The following NPAS3 variants were observed in gnomAD, a reference collection of about 807,000 sequenced individuals.
NPAS3 encodes neuronal PAS domain protein 3.
In NPAS3, 14 loss-of-function variants were observed where a neutral mutation model predicts 73.1. The ratio of observed to expected loss-of-function variants is 0.19; its 90% CI spans 0.13 to 0.30. The LOEUF (loss-of-function observed/expected upper bound fraction) is 0.30. Among genes scored for constraint, NPAS3 ranks in the 10% least tolerant of loss-of-function variants. The probability of loss-of-function intolerance (pLI) is 1.00; values close to 1 mark genes in which losing one functional copy is unlikely to be tolerated. For synonymous variants in NPAS3, 620 were observed against 541.5 expected, an observed-to-expected ratio of 1.14 and a Z score of -2.01; for missense variants, 1,096 against 1,250.0, an observed-to-expected ratio of 0.88 and a Z score of 1.86.
intron 6 of NPAS3, among the ~76,000 whole-genome samples, chr14:33,678,767 A>AAAT (rs200872686): frequency 6.6e-6 from 1 of 151,274 alleles, no homozygotes; most frequent in Admixed American, 6.6e-5. Context: ...AAAAAAAAAA[A>AAAT]TCCACAGCCT....
intron 4 of NPAS3, among the ~76,000 whole-genome samples, chr14:33,503,889 A>G (rs1471308024): frequency 6.6e-6 from 1 of 152,030 alleles, no homozygotes; most frequent in African/African-American, 2.4e-5. Context: ...ACTCAATAGT[A>G]AAGAATTAAT....
chr14:33,443,647 G>A (rs975541572), intron 4 of NPAS3, among the ~76,000 whole-genome samples: 2 of 152,170 alleles, frequency 1.3e-5, no homozygotes, highest in South Asian at 2.1e-4. Flanking sequence ...TTCCTGCAGG[G>A]GAGCTTTAAT....
chr14:33,137,140 A>T (rs1416994858), intron 2 of NPAS3, among the ~76,000 whole-genome samples: 1 of 152,240 alleles, frequency 6.6e-6, no homozygotes, highest in Non-Finnish European at 1.5e-5. Context: ...TCAACTGTAT[A>T]GATGCTAAAG....
chr14:33,585,083 G>A (rs978228671), intron 5 of NPAS3, among the ~76,000 whole-genome samples: 2 of 151,318 alleles, frequency 1.3e-5, no homozygotes, highest in African/African-American at 4.9e-5. Flanking sequence ...TTTTCGCTTG[G>A]CTAATAATAC....
At chr14:33,423,300 A>G (rs552795893) in intron 4 of NPAS3, among the ~76,000 whole-genome samples, 42 of 151,942 alleles carry the variant, frequency 2.8e-4, no homozygotes, top group Non-Finnish European at 5.7e-4. Context: ...TTTTTATGGG[A>G]TTCAAATTAT....
chr14:33,388,883 C>T (rs750911904), intron 4 of NPAS3, among the ~76,000 whole-genome samples: 5 of 152,154 alleles, frequency 3.3e-5, no homozygotes, highest in Admixed American at 2.0e-4. Flanking sequence ...ATATAATCCA[C>T]GTAAAGCCCT....
At chr14:33,055,352 A>T (rs576253820) in intron 1 of NPAS3, among the ~76,000 whole-genome samples, 1 of 152,318 alleles carries the variant, frequency 6.6e-6, no homozygotes, top group South Asian at 2.1e-4. Flanking sequence ...CGTGTTCCCG[A>T]CGGCCTTGCT....
intron 1 of NPAS3, among the ~76,000 whole-genome samples, chr14:32,950,312 C>A (rs2036430522): frequency 1.3e-5 from 2 of 151,878 alleles, no homozygotes; most frequent in African/African-American, 2.4e-5. Flanking sequence ...ATTAATGGTT[C>A]AAAAGCATTT....
intron 1 of NPAS3, among the ~76,000 whole-genome samples, chr14:33,018,039 A>G (rs1006693661): frequency 4.0e-5 from 5 of 125,612 alleles, no homozygotes; most frequent in Admixed American, 3.9e-4. Flanking sequence ...CAGCAAACAA[A>G]AAAAAAGAAA....
intron 4 of NPAS3, among the ~76,000 whole-genome samples, chr14:33,395,740 C>T (rs948265609): frequency 6.6e-6 from 1 of 152,154 alleles, no homozygotes; most frequent in African/African-American, 2.4e-5. Context: ...AAACCTCAGA[C>T]ATTTTGGCAT....
chr14:33,026,663 T>C (rs2039814347), intron 1 of NPAS3, among the ~76,000 whole-genome samples: 1 of 152,206 alleles, frequency 6.6e-6, no homozygotes, highest in South Asian at 2.1e-4. Flanking sequence ...AACAGTGAAT[T>C]TACTGTCCTT....
At chr14:33,304,709 A>G (rs774128161) in intron 3 of NPAS3, among the ~76,000 whole-genome samples, 15 of 152,152 alleles carry the variant, frequency 9.9e-5, no homozygotes, top group Admixed American at 2.0e-4. Context: ...ATAATGAGCT[A>G]GGTTTATCTA....
chr14:33,077,774 G>GTTTTTTGTTT (rs1555333251), intron 2 of NPAS3, among the ~76,000 whole-genome samples: 1 of 87,470 alleles, frequency 1.1e-5, no homozygotes, highest in Admixed American at 1.5e-4. Context: ...TGCAGTAAGG[G>GTTTTTTGTTT]TTTTTTTTTT....
intron 2 of NPAS3, among the ~76,000 whole-genome samples, chr14:33,134,343 A>C (rs2043754751): frequency 6.6e-6 from 1 of 152,046 alleles, no homozygotes; most frequent in African/African-American, 2.4e-5. Flanking sequence ...TGATCTCAGC[A>C]TGGCTTTTGA....
At position 33,797,591 on chromosome 14, in the gene NPAS3, C is replaced by T; in HGVS notation, c.1426+10C>T. 6.2e-7 allele frequency: 1 copy of T among 1,613,486 alleles called. No individual in the cohort carries two copies. The highest frequency in any genetic ancestry group is 1.7e-5 in the Admixed American group (1 of 59,994). On this transcript the variant is annotated intron_variant, in intron 11 of 11. Transcript: ENST00000356141. ...ACCTCAGGTATTACAGGTATTATTCCTTCTTTTCCATGTTCTTCAGTGAAG... is the reference window on the plus strand; with the variant it reads ...ACCTCAGGTATTACAGGTATTATTCTTTCTTTTCCATGTTCTTCAGTGAAG...
intron 2 of NPAS3, among the ~76,000 whole-genome samples, chr14:33,203,520 G>C (rs1033583941): frequency 6.6e-6 from 1 of 151,930 alleles, no homozygotes; most frequent in African/African-American, 2.4e-5. Context: ...CCCTTCCTGT[G>C]TCCAAGTGTT....
chr14:33,583,268 G>A (rs901826932), intron 5 of NPAS3: 2 of 152,104 alleles, frequency 1.3e-5, no homozygotes, highest in African/African-American at 2.4e-5. Context: ...TAATACGTTC[G>A]CTCAAATAAA....
upstream of NPAS3, among the ~76,000 whole-genome samples, chr14:32,935,935 G>A (rs1032199234): frequency 6.6e-6 from 1 of 152,114 alleles, no homozygotes; most frequent in South Asian, 2.1e-4. Flanking sequence ...ATAAAAGATG[G>A]AAGAAAAAAG....
chr14:33,535,500 G>A (rs2054222725), intron 4 of NPAS3, among the ~76,000 whole-genome samples: 1 of 152,104 alleles, frequency 6.6e-6, no homozygotes, highest in Non-Finnish European at 1.5e-5. Flanking sequence ...TAAACTGTAG[G>A]TTTCAAGAGA....
Sources: allele counts gnomAD v4.1 joint callset (sites outside exome capture counted in the v4.1 genomes callset), GRCh38; gene constraint gnomAD v4.1.1; transcripts MANE v1.5; gene names NCBI Gene and HGNC (gene_info 2026-07-23, HGNC 2026-07-21).